PCNX2: variants seen among roughly 807,000 people sequenced by gnomAD.
PCNX2 encodes the protein pecanex 2.
PCNX2 carries 168 observed loss-of-function variants against 223.8 expected under a neutral mutation model. The ratio of observed to expected loss-of-function variants is 0.75; its 90% CI spans 0.66 to 0.85. PCNX2 has a LOEUF of 0.85. PCNX2 is among the 40% of genes least tolerant of loss of function. PCNX2 has a pLI of 0.00. For synonymous variants in PCNX2, 1,006 were observed against 1,052.6 expected, an observed-to-expected ratio of 0.96 and a Z score of 0.86; for missense variants, 2,507 against 2,675.5, an observed-to-expected ratio of 0.94 and a Z score of 1.39.
In PCNX2 at chr1:232,998,458, T is replaced by C. The variant is rs755605696; in HGVS notation, c.5604-20A>G. 2.4e-5 allele frequency: 38 copies of C among 1,604,826 alleles called. No individual in the cohort carries two copies. Among genetic ancestry groups the C allele is most frequent in the Non-Finnish European group, 3.1e-5 (37 of 1,176,886 alleles). On this transcript the variant is annotated intron_variant, in intron 31 of 33. Coordinates refer to ENST00000258229, the MANE Select transcript of PCNX2 (RefSeq NM_014801.4). ...CGCATCCTGTGGGAGGGAGAAGTCC[T>C]TTGAGGATTCTCAGCAACACACTTC...
chr1:233,011,129 C>T (rs555858561), intron 28 of PCNX2, among the ~76,000 whole-genome samples: 19 of 152,192 alleles, frequency 1.2e-4, no homozygotes. Flanking sequence ...GCCATTCTTA[C>T]TTTGCACATG....
rs1354319551 is a variant in PCNX2 at position 233,030,961 on chromosome 1, C to A, written c.4352-5562G>T. Among the ~76,000 whole-genome samples the A allele has an allele frequency of 2.0e-5, 3 of 152,184 alleles. No individual in the cohort carries two copies. In the East Asian group the frequency reaches 5.8e-4, roughly 29 times the overall value. On this transcript the variant is annotated intron_variant, in intron 25 of 33. Coordinates refer to ENST00000258229, the MANE Select transcript of PCNX2 (RefSeq NM_014801.4). ...CTACAAAGTCCACATACTTCAGCAG[C>A]CCAGGACTCGGATTCTATCCCCCTA...
At chr1:233,146,037 A>C (rs1677430730) in intron 19 of PCNX2, among the ~76,000 whole-genome samples, 1 of 152,224 alleles carries the variant, frequency 6.6e-6, no homozygotes, top group South Asian at 2.1e-4. Flanking sequence ...GCCACAATCC[A>C]AAAGAAACCA....
chr1:233,190,298 T>A (rs1182685929), intron 15 of PCNX2, among the ~76,000 whole-genome samples: 1 of 152,044 alleles, frequency 6.6e-6, no homozygotes, highest in African/African-American at 2.4e-5. Context: ...GAATCACGGC[T>A]CTGGGTAAGT....
chr1:233,194,463 G>C (rs1680604176), intron 15 of PCNX2, among the ~76,000 whole-genome samples: 1 of 152,030 alleles, frequency 6.6e-6, no homozygotes. Context: ...GTACATTGCA[G>C]AAATTATTTT....
At chr1:233,211,347 T>TA (rs1407014387) in intron 12 of PCNX2, among the ~76,000 whole-genome samples, 1 of 151,192 alleles carries the variant, frequency 6.6e-6, no homozygotes, top group East Asian at 1.9e-4. Context: ...TTTTTTTTTT[T>TA]AAAGAAAGGA....
chr1:233,179,937 C>T (rs181291151), intron 15 of PCNX2, among the ~76,000 whole-genome samples: 3 of 152,320 alleles, frequency 2.0e-5, no homozygotes, highest in Admixed American at 6.5e-5. Context: ...AATAGGGTAT[C>T]TGTTTAAGAC....
At chr1:233,103,169 A>G (rs925625144) in intron 21 of PCNX2, among the ~76,000 whole-genome samples, 2 of 152,120 alleles carry the variant, frequency 1.3e-5, no homozygotes, top group Non-Finnish European at 2.9e-5. Flanking sequence ...GTAGGTGTAT[A>G]TATTTATGGG....
chr1:233,106,347 C>CTTTTT (rs912803573), intron 21 of PCNX2, among the ~76,000 whole-genome samples: 22 of 115,642 alleles, frequency 1.9e-4, no homozygotes, highest in Admixed American at 2.8e-4. Context: ...TCTCCTCCCT[C>CTTTTT]TTTTTTTTTT....
intron 25 of PCNX2, among the ~76,000 whole-genome samples, chr1:233,038,646 A>G (rs747450529): frequency 6.6e-6 from 1 of 152,212 alleles, no homozygotes; most frequent in Non-Finnish European, 1.5e-5. Flanking sequence ...AGATTACTCA[A>G]TTTGTAAGAC....
intron 1 of PCNX2, among the ~76,000 whole-genome samples, chr1:233,276,068 C>G (rs1660897434): frequency 6.6e-6 from 1 of 151,930 alleles, no homozygotes. Context: ...GGAAACAACT[C>G]TAATGTCCTT....
intron 19 of PCNX2, among the ~76,000 whole-genome samples, chr1:233,151,022 A>G (rs1677770437): frequency 1.3e-5 from 2 of 149,026 alleles, no homozygotes; most frequent in East Asian, 3.9e-4. Context: ...CAGGGTAGAC[A>G]GAGCTTCTCG....
intron 4 of PCNX2, among the ~76,000 whole-genome samples, chr1:233,260,911 A>C (rs1164478922): frequency 1.3e-5 from 2 of 152,196 alleles, no homozygotes; most frequent in Admixed American, 6.5e-5. Context: ...AGATATGCAG[A>C]ATGCTGTACA....
intron 10 of PCNX2, among the ~76,000 whole-genome samples, chr1:233,222,383 T>C (rs1657434658): frequency 6.6e-6 from 1 of 151,912 alleles, no homozygotes; most frequent in African/African-American, 2.4e-5. Flanking sequence ...TGAAAAGACA[T>C]ATTGTGTTGG....
At chr1:233,239,010 G>A (rs1376385300) in intron 8 of PCNX2, among the ~76,000 whole-genome samples, 3 of 152,132 alleles carry the variant, frequency 2.0e-5, no homozygotes, top group South Asian at 4.1e-4. Flanking sequence ...TGCGTTGTAC[G>A]GAAGCCACTG....
intron 32 of PCNX2, among the ~76,000 whole-genome samples, chr1:232,988,443 G>C (rs1201372216): frequency 6.6e-6 from 1 of 150,838 alleles, no homozygotes; most frequent in Non-Finnish European, 1.5e-5. Flanking sequence ...AATTAATTTT[G>C]CAAATGGAAC....
rs1672122162 is a variant in PCNX2, at chr1:233,054,642, T to C, written c.4136-159A>G. On this transcript the variant is annotated intron_variant, in intron 24 of 33. Transcript: ENST00000258229. ...TCTTCCCACATTTTAGTGGATTATA[T>C]GAGACCCTCCAATTTTTTCCCTCAA... The C allele has an allele frequency of 6.5e-6, 4 of 619,302 alleles. No homozygotes were observed. The South Asian group carries it at 6.7e-5, about 10-fold the overall frequency. 38.4% of individuals were successfully genotyped at this position (619,302 alleles called of 1,614,324 possible).
At chr1:233,072,710 T>A (rs1370689192) in intron 23 of PCNX2, among the ~76,000 whole-genome samples, 2 of 152,222 alleles carry the variant, frequency 1.3e-5, no homozygotes, top group Admixed American at 6.5e-5. Flanking sequence ...TTGATTGTTA[T>A]GTGTTAAACC....
In PCNX2 at chr1:233,025,156, T is replaced by G. The variant is rs750857724; in HGVS notation, c.4595A>C (p.Tyr1532Ser). 1 of 1,613,840 alleles carries G rather than the reference T, an allele frequency of 6.2e-7. No individual in the cohort carries two copies. Among genetic ancestry groups the G allele is most frequent in the Non-Finnish European group, 8.5e-7 (1 of 1,179,874 alleles). The change falls in exon 26 of 34, where the codon TAC becomes TCC. Residue 1532 changes from tyrosine to serine, a missense_variant. By Grantham distance (144) the Tyr-to-Ser change is moderately radical. This residue lies in a region of PCNX2 where 1,372 missense variants were observed against 1,509.4 expected (regional missense o/e 0.91). Coordinates refer to ENST00000258229, the MANE Select transcript of PCNX2 (RefSeq NM_014801.4). ...GAAACAGAGCAATACCTTGATGTAG[T>G]AGCGGATGAGGATCCTTCGGAGGTC... The part of the protein sequence containing the change: ...VFDLRRILIR[Y>S]YIKSIIYYMV...
Sources: gnomAD v4.1 joint callset for allele counts (sites outside exome capture counted in the v4.1 genomes callset) on GRCh38, gnomAD v4.1.1 for gene constraint, gnomAD v4.1.1 regional missense constraint, MANE v1.5 for transcripts, NCBI Gene and HGNC (gene_info 2026-07-23, HGNC 2026-07-21) for gene names.